Variants in PHF8 observed in about 807,000 individuals in gnomAD.
The protein encoded by PHF8 is histone lysine demethylase PHF8.
Under a neutral mutation model 74.4 loss-of-function variants are expected in PHF8, and 9 were observed. The ratio of observed to expected loss-of-function variants is 0.12; its 90% CI spans 0.07 to 0.21. The LOEUF is 0.21. PHF8 is among the 10% of genes least tolerant of loss of function. The probability of loss-of-function intolerance (pLI) is 1.00; values close to 1 mark genes in which losing one functional copy is unlikely to be tolerated. For missense variants in PHF8, 478 were observed against 816.6 expected (o/e 0.59, Z 5.05); for synonymous variants, 311 against 316.6 (o/e 0.98, Z 0.19).
At chrX:54,007,090 C>A (rs1217930677) in intron 8 of PHF8, among the ~76,000 whole-genome samples, 4 of 111,722 alleles carry the variant, frequency 3.6e-5, no homozygotes, top group African/African-American at 9.8e-5. Context: ...GAATAGAATT[C>A]AAGGTCCAGA....
intron 1 of PHF8, 65 bp from the exon 2 acceptor site, chrX:54,042,885 C>T (rs1557116377): frequency 2.4e-6 from 2 of 830,265 alleles, no homozygotes; most frequent in African/African-American, 2.2e-5. Flanking sequence ...TTGCACCAAC[C>T]CTCAGTTCTC....
upstream of PHF8, among the ~76,000 whole-genome samples, chrX:54,048,569 A>C (rs782224503): frequency 3.5e-4 from 39 of 112,098 alleles, no homozygotes; most frequent in Non-Finnish European, 6.0e-4. Flanking sequence ...GGAAAGGCAA[A>C]GCTGCCAGGG....
chrX:53,953,929 A>G (rs1035859764), intron 19 of PHF8, among the ~76,000 whole-genome samples: 4 of 111,555 alleles, frequency 3.6e-5, no homozygotes, highest in Non-Finnish European at 5.6e-5. Context: ...GATAACAATA[A>G]AAGTGGTACT....
intron 18 of PHF8, among the ~76,000 whole-genome samples, chrX:53,967,191 C>A (rs1420177445): frequency 1.0e-5 from 1 of 100,331 alleles, no homozygotes; most frequent in African/African-American, 3.8e-5. Context: ...AGGTGAGGGG[C>A]GCCTCTGCCC....
rs1043341137 is a variant in PHF8 at position 53,937,146 on chromosome X, C to G, written c.*2012G>C. ...GGAAAAGCATAACTCTGAGGGTAAA[C>G]TTGCTTTTCATTGGAAACAACACAA... On this transcript the variant is annotated 3_prime_UTR_variant, in exon 22 of 22. Transcript: ENST00000338154. The G allele has an allele frequency of 2.7e-5, 3 of 110,495 alleles. No individual in the cohort carries two copies. Among genetic ancestry groups the G allele is most frequent in the Non-Finnish European group, 5.7e-5 (3 of 52,776 alleles). 9.1% of individuals were successfully genotyped at this position (110,495 alleles called of 1,213,427 possible).
intron 18 of PHF8, among the ~76,000 whole-genome samples, chrX:53,963,219 A>T (rs2065130189): frequency 9.0e-6 from 1 of 111,612 alleles, no homozygotes; most frequent in Admixed American, 9.6e-5. Context: ...CTCACCCTTC[A>T]AAATTCAGCT....
At chrX:54,039,723 TAAAAAAGTACAAATAATGTTC>T (rs1221912291) in intron 2 of PHF8, 1 of 112,210 alleles carries the variant, frequency 8.9e-6, no homozygotes, top group Admixed American at 9.5e-5. Context: ...ATTTATAATA[TAAAAAAGTACAAATAATGTTC>T]AAAAAAGTAC....
At chrX:53,942,314 C>T (rs1419966407) in intron 20 of PHF8, among the ~76,000 whole-genome samples, 4 of 112,018 alleles carry the variant, frequency 3.6e-5, no homozygotes, top group Non-Finnish European at 5.6e-5. Context: ...AGAGCTTGTA[C>T]GTACATTACC....
At chrX:53,983,162 G>T (rs1209423612) in intron 18 of PHF8, among the ~76,000 whole-genome samples, 45 of 98,179 alleles carry the variant, frequency 4.6e-4, no homozygotes, top group African/African-American at 1.7e-3. Context: ...GAGACAGAGT[G>T]AGACTGTGTC....
chrX:54,029,036 G>A (rs1247484078), intron 2 of PHF8, among the ~76,000 whole-genome samples: 1 of 112,354 alleles, frequency 8.9e-6, no homozygotes, highest in Non-Finnish European at 1.9e-5. Context: ...GTTTAGAACA[G>A]TGTCTGGCCC....
At chrX:54,008,947 C>T (rs978587895) in intron 8 of PHF8, among the ~76,000 whole-genome samples, 1 of 111,067 alleles carries the variant, frequency 9.0e-6, no homozygotes, top group Non-Finnish European at 1.9e-5. Context: ...GAGGCTGAGA[C>T]GGGTGGATCA....
intron 19 of PHF8, among the ~76,000 whole-genome samples, chrX:53,952,887 CAA>C (rs781901722): frequency 2.0e-4 from 9 of 44,824 alleles, no homozygotes; most frequent in Admixed American, 9.0e-4. Context: ...GACTCTGCCT[CAA>C]AAAAAAAAAA....
At chrX:53,998,648 A>G (rs1380443004) in intron 11 of PHF8, among the ~76,000 whole-genome samples, 1 of 110,366 alleles carries the variant, frequency 9.1e-6, no homozygotes, top group Non-Finnish European at 1.9e-5. Flanking sequence ...CATAATTCTT[A>G]TTTCTCCCCT....
chrX:53,944,336 A>G (rs1238345498), intron 19 of PHF8, 93 bp from the exon 20 acceptor site: 1 of 628,434 alleles, frequency 1.6e-6, no homozygotes. Context: ...AGGTACTCTC[A>G]TTGGTCTTCC....
At chrX:54,034,589 G>A (rs1372633037) in intron 2 of PHF8, among the ~76,000 whole-genome samples, 4 of 110,847 alleles carry the variant, frequency 3.6e-5, no homozygotes, top group South Asian at 3.8e-4. Flanking sequence ...TTGGGAGGCC[G>A]AGACGTGTGG....
intron 19 of PHF8, among the ~76,000 whole-genome samples, chrX:53,953,778 C>G (rs1437781865): frequency 2.7e-5 from 3 of 110,957 alleles, no homozygotes; most frequent in Non-Finnish European, 3.8e-5. Flanking sequence ...TTGAGTCGAA[C>G]TTTGGCAGCT....
chrX:53,943,449 G>A, intron 20 of PHF8: 3 of 1,057,988 alleles, frequency 2.8e-6, no homozygotes, highest in Non-Finnish European at 3.7e-6. Flanking sequence ...CTATTGGGCA[G>A]ATAGATTACA....
chrX:54,018,453 CTTTTTT>C (rs781948184), intron 4 of PHF8, among the ~76,000 whole-genome samples: 1 of 76,699 alleles, frequency 1.3e-5, no homozygotes, highest in African/African-American at 4.5e-5. Flanking sequence ...GAGTCCCTGT[CTTTTTT>C]TTTTTTTTTT....
chrX:54,022,143 TACTC>T (rs1411446500), intron 4 of PHF8, 112 bp downstream of exon 4: 2 of 538,480 alleles, frequency 3.7e-6, no homozygotes, highest in African/African-American at 4.5e-5. Flanking sequence ...GCCCTGAAGA[TACTC>T]ACAAACTGGG....
Sources: gnomAD v4.1 joint callset for allele counts (sites outside exome capture counted in the v4.1 genomes callset) on GRCh38, gnomAD v4.1.1 for gene constraint, MANE v1.5 for transcripts, NCBI Gene and HGNC (gene_info 2026-07-23, HGNC 2026-07-21) for gene names.